SLC5A10: variants seen among roughly 807,000 people sequenced by gnomAD.
SLC5A10 encodes sodium/mannose cotransporter SLC5A10.
SLC5A10 carries 55 observed loss-of-function variants against 68.9 expected under a neutral mutation model. The observed-to-expected ratio is 0.80, with a 90% confidence interval of 0.64 to 1.00. SLC5A10 has a LOEUF of 1.00. SLC5A10 is among the 50% of genes least tolerant of loss of function. SLC5A10 has a pLI of 0.00. For missense variants in SLC5A10, 732 were observed against 819.3 expected (o/e 0.89, Z 1.30); for synonymous variants, 344 against 344.8 (o/e 1.00, Z 0.02).
At chr17:18,977,957 A>T in intron 9 of SLC5A10, 1 of 1,595,174 alleles carries the variant, frequency 6.3e-7, no homozygotes, top group Non-Finnish European at 8.5e-7. Context: ...GGGGAGCCCC[A>T]CCCCGAGGCT....
At chr17:19,016,468 G>T (rs1175699477) in intron 11 of SLC5A10, among the ~76,000 whole-genome samples, 3 of 152,108 alleles carry the variant, frequency 2.0e-5, no homozygotes, top group African/African-American at 7.2e-5. Context: ...ACACTCTGCT[G>T]CTCGGGGGTC....
At chr17:18,953,173 T>C (rs1432350415) in intron 1 of SLC5A10, among the ~76,000 whole-genome samples, 1 of 147,400 alleles carries the variant, frequency 6.8e-6, no homozygotes, top group Non-Finnish European at 1.5e-5. Context: ...TCTAGCACTG[T>C]CACCTGGGCT....
At chr17:18,973,210 A>G (rs548327931) in intron 8 of SLC5A10, among the ~76,000 whole-genome samples, 31 of 152,350 alleles carry the variant, frequency 2.0e-4, no homozygotes, top group African/African-American at 6.2e-4. Context: ...CCTCCTCCCA[A>G]TGCAGCATGG....
chr17:19,001,174 T>C (rs2043720680), intron 9 of SLC5A10, among the ~76,000 whole-genome samples: 1 of 152,204 alleles, frequency 6.6e-6, no homozygotes, highest in Non-Finnish European at 1.5e-5. Context: ...GCTATTGTTA[T>C]TATCCCTGCC....
intron 13 of SLC5A10, 75 bp downstream of exon 13, chr17:19,020,003 T>C: frequency 2.0e-6 from 3 of 1,486,418 alleles, no homozygotes; most frequent in Non-Finnish European, 2.7e-6. Flanking sequence ...CCCGACCCAC[T>C]CTGACTCAGA....
At chr17:18,959,357 C>A in intron 3 of SLC5A10, 118 bp downstream of exon 3, 1 of 1,093,748 alleles carries the variant, frequency 9.1e-7, no homozygotes, top group Non-Finnish European at 1.3e-6. Flanking sequence ...GGGCTCTGTG[C>A]AGTGCTGTTC....
At chr17:19,013,774 C>A (rs956296290) in intron 10 of SLC5A10, among the ~76,000 whole-genome samples, 2 of 151,620 alleles carry the variant, frequency 1.3e-5, no homozygotes, top group Admixed American at 1.3e-4. Context: ...GTAGTTCCCA[C>A]CTTGGGCCTT....
chr17:18,962,293 C>T (rs1027261688), intron 5 of SLC5A10, among the ~76,000 whole-genome samples: 23 of 151,986 alleles, frequency 1.5e-4, no homozygotes. Context: ...CTGATGGAGA[C>T]AGGGATACTG....
Position 18,970,847 on chromosome 17 carries a change from AC to A in SLC5A10, c.641-165del. 6.5e-6 allele frequency: 4 copies of A among 616,804 alleles called. No individual in the cohort carries two copies. The East Asian group carries it at 8.3e-5, about 13-fold the overall frequency. 38.2% of individuals were successfully genotyped at this position (616,804 alleles called of 1,614,324 possible). ...ATTCAAATACACCTTAAAAAAAAAA[AC>A]AACCCTCTACCCTCACACCTTTCCA... is the stretch of plus-strand genomic sequence containing the variant. On this transcript the variant is annotated intron_variant, in intron 7 of 14. Coordinates refer to ENST00000395645, the MANE Select transcript of SLC5A10 (RefSeq NM_001042450.4).
At chr17:18,963,543 G>A (rs555585200) in intron 5 of SLC5A10, among the ~76,000 whole-genome samples, 2 of 152,378 alleles carry the variant, frequency 1.3e-5, no homozygotes, top group South Asian at 2.1e-4. Flanking sequence ...GCTTGGCTGC[G>A]AGAGGACTGG....
chr17:19,014,200 A>G (rs2428369), intron 10 of SLC5A10, among the ~76,000 whole-genome samples: 125,360 of 152,142 alleles, frequency 0.82, 53,064 homozygotes, highest in Middle Eastern at 0.9. Flanking sequence ...GGTGCTTAAA[A>G]TTGCAGGAGT....
intron 5 of SLC5A10, among the ~76,000 whole-genome samples, chr17:18,964,866 G>A (rs2042679207): frequency 6.6e-6 from 1 of 152,198 alleles, no homozygotes; most frequent in Admixed American, 6.5e-5. Flanking sequence ...AACCTGACCG[G>A]GTGCAGTGGC....
intron 9 of SLC5A10, among the ~76,000 whole-genome samples, chr17:19,005,654 C>CG (rs1489507242): frequency 6.6e-6 from 1 of 151,956 alleles, no homozygotes; most frequent in East Asian, 1.9e-4. Flanking sequence ...CAAACCCCCC[C>CG]CCTCCAAGGC....
chr17:19,015,055 G>C lies in SLC5A10; in HGVS notation c.1097G>C (p.Arg366Pro). Residue 366 changes from arginine (R) to proline (P), a missense_variant, in exon 11 of 15, where the codon CGG becomes CCG. Coordinates refer to ENST00000395645, the MANE Select transcript of SLC5A10 (RefSeq NM_001042450.4). ...ATCCCCCGTCCCACCCCAGGTCTGC[G>C]GGGGCTGATGATCGCAGTGATGCTG... Reference protein sequence around the residue: ...LVMELMPIGLRGLMIAVMLAA... With the variant: ...LVMELMPIGLPGLMIAVMLAA... The C allele has an allele frequency of 1.2e-6, 2 of 1,613,280 alleles. No individual in the cohort carries two copies. Among genetic ancestry groups the C allele is most frequent in the Non-Finnish European group, 1.7e-6 (2 of 1,179,410 alleles).
At chr17:18,983,771 G>GC (rs1340315243) in intron 9 of SLC5A10, among the ~76,000 whole-genome samples, 1 of 152,168 alleles carries the variant, frequency 6.6e-6, no homozygotes, top group Non-Finnish European at 1.5e-5. Context: ...GGGGTGGTGG[G>GC]CCCTTTGTGA....
Position 18,981,174 on chromosome 17 carries a change from G to A in SLC5A10, c.982+4185G>A, listed in dbSNP as rs533278143. On this transcript the variant is annotated intron_variant, in intron 9 of 14. Coordinates refer to ENST00000395645, the MANE Select transcript of SLC5A10 (RefSeq NM_001042450.4). ...GAAAACAAGCTGAATGCCCAGGATC[G>A]CAGAGGAGTAGCCTGAAGTGTGAAG... 1.2e-4 allele frequency among the ~76,000 whole-genome samples: 19 copies of A among 152,308 alleles called. No individual in the cohort carries two copies. In the South Asian group the frequency reaches 2.5e-3, roughly 20 times the overall value.
Position 19,015,039 on chromosome 17 carries a change from C to T in SLC5A10, c.1091-10C>T. 1 of 1,611,296 alleles carries T rather than the reference C, an allele frequency of 6.2e-7. No homozygotes were observed. Among genetic ancestry groups the T allele is most frequent in the South Asian group, 1.1e-5 (1 of 90,864 alleles). ...CCGGACAGGGTCACACATCCCCCGT[C>T]CCACCCCAGGTCTGCGGGGGCTGAT... On this transcript the variant is annotated splice_polypyrimidine_tract_variant and intron_variant, in intron 10 of 14. Transcript: ENST00000395645.
chr17:19,015,227 T>TGGGGGCCAGTTCGGGGGG, intron 11 of SLC5A10, 28 bp downstream of exon 11: 1 of 121,052 alleles, frequency 8.3e-6, no homozygotes, highest in Non-Finnish European at 2.0e-5. Flanking sequence ...AGTACGGGGG[T>TGGGGGCCAGTTCGGGGGG]GGGGGAACAC....
Position 19,019,828 on chromosome 17 carries a change from G to C in SLC5A10, c.1526G>C (p.Gly509Ala). The change falls in exon 13 of 15, where the codon GGG becomes GCG. Residue 509 changes from glycine (G) to alanine (A), a missense_variant. Gly to Ala is a moderately conservative substitution (Grantham distance 60). Transcript: ENST00000395645. ...GEPDTRPAVL[G>A]SIHYLHFAVA... is the part of the protein sequence containing the mutation. ...CCAGACACGCGGCCAGCCGTCCTGG[G>C]GAGCATCCACTACCTGCACTTCGCT... 1 of 1,613,576 alleles carries C rather than the reference G, an allele frequency of 6.2e-7. No homozygotes were observed. Among genetic ancestry groups the C allele is most frequent in the Middle Eastern group, 1.7e-4 (1 of 6,056 alleles).
Sources: allele counts gnomAD v4.1 joint callset (sites outside exome capture counted in the v4.1 genomes callset), GRCh38; gene constraint gnomAD v4.1.1; transcripts MANE v1.5; gene names NCBI Gene and HGNC (gene_info 2026-07-23, HGNC 2026-07-21).